The following RPAP2 variants were observed in gnomAD, a reference collection of about 807,000 sequenced individuals.
RPAP2 encodes RNA polymerase II associated protein 2, also known as putative RNA polymerase II subunit B1 CTD phosphatase RPAP2.
RPAP2 carries 52 observed loss-of-function variants against 73.1 expected under a neutral mutation model. The observed-to-expected ratio is 0.71, with a 90% CI of 0.57 to 0.90. The LOEUF (loss-of-function observed/expected upper bound fraction) is 0.90, where lower values mean the gene tolerates loss of function less well. RPAP2 is among the 40% of genes least tolerant of loss of function. The pLI is 0.00. For missense variants in RPAP2, 598 were observed against 701.8 expected (o/e 0.85, Z 1.67); for synonymous variants, 225 against 242.1 (o/e 0.93, Z 0.65).
intron 6 of RPAP2, among the ~76,000 whole-genome samples, chr1:92,316,061 AG>A (rs1651887707): frequency 6.6e-6 from 1 of 152,222 alleles, no homozygotes; most frequent in Non-Finnish European, 1.5e-5. Context: ...GGCTCTGACA[AG>A]CCTTTGAAGG....
chr1:92,322,999 G>A (rs1003607402), intron 7 of RPAP2, among the ~76,000 whole-genome samples: 3 of 144,858 alleles, frequency 2.1e-5, no homozygotes, highest in African/African-American at 7.6e-5. Context: ...GTAAATATGT[G>A]TACATATAAA....
rs1461826957 is a variant in RPAP2, at chr1:92,388,969, GAAC to G, written c.*1961_*1963del. The G allele has an allele frequency of 1.3e-5, 2 of 152,268 alleles. No homozygotes were observed. The highest frequency in any genetic ancestry group is 4.8e-5 in the African/African-American group (2 of 41,446). The allele number at this position is 152,268 out of a possible 1,614,324, so 9.4% of individuals were successfully genotyped here. ...CCACCTCCAGGGGCAGGGCATATCT[GAAC>G]AAAAGGCAGCAGACAGCTTCTCCAG... is the stretch of plus-strand genomic sequence containing the variant. On this transcript the variant is annotated 3_prime_UTR_variant, in exon 13 of 13. Transcript: ENST00000610020.
chr1:92,337,977 A>G (rs535446055), intron 10 of RPAP2, among the ~76,000 whole-genome samples: 1 of 152,302 alleles, frequency 6.6e-6, no homozygotes, highest in East Asian at 1.9e-4. Context: ...TTCTTGAGAA[A>G]GTAATCTAGT....
chr1:92,365,838 G>A (rs1421263354), intron 11 of RPAP2, among the ~76,000 whole-genome samples: 3 of 152,156 alleles, frequency 2.0e-5, no homozygotes, highest in African/African-American at 4.8e-5. Context: ...GTGGTCTAGC[G>A]GTTAGAAGTG....
Position 92,323,681 on chromosome 1 carries a change from A to G in RPAP2, c.761A>G (p.His254Arg), listed in dbSNP as rs760451838. 5.5e-5 allele frequency: 88 copies of G among 1,613,710 alleles called. No individual in the cohort carries two copies. Among genetic ancestry groups the G allele is most frequent in the Non-Finnish European group, 7.3e-5 (86 of 1,179,906 alleles). The change falls in exon 8 of 13, where the codon CAC (histidine) becomes CGC (arginine). Residue 254 changes from histidine to arginine, a missense_variant. Physicochemically the swap from His to Arg is conservative, Grantham distance 29. Coordinates refer to ENST00000610020, the MANE Select transcript of RPAP2 (RefSeq NM_024813.3). Reference protein sequence around the residue: ...QKSIMKKKAGHKANSKHKDKE... With the variant: ...QKSIMKKKAGRKANSKHKDKE... The stretch of plus-strand genomic sequence containing the variant: ...AGCATAATGAAAAAGAAAGCTGGTC[A>G]CAAAGCTAACTCCAAACACAAAGAC...
At chr1:92,323,169 G>A (rs1205396869) in intron 7 of RPAP2, among the ~76,000 whole-genome samples, 1 of 149,850 alleles carries the variant, frequency 6.7e-6, no homozygotes, top group Non-Finnish European at 1.5e-5. Flanking sequence ...CTGTACTCCT[G>A]TAACAATTTT....
chr1:92,355,451 G>A (rs546652601), intron 11 of RPAP2, among the ~76,000 whole-genome samples: 1 of 152,296 alleles, frequency 6.6e-6, no homozygotes, highest in South Asian at 2.1e-4. Context: ...TTCTGAAAGA[G>A]ATAAAGATGA....
chr1:92,311,192 C>G (rs532572692), intron 6 of RPAP2, among the ~76,000 whole-genome samples: 1 of 152,110 alleles, frequency 6.6e-6, no homozygotes, highest in Non-Finnish European at 1.5e-5. Context: ...CTGTAGGAAA[C>G]CTGCTTCTCA....
At position 92,354,994 on chromosome 1, in the gene RPAP2, G is replaced by T. The variant is rs182291887; in HGVS notation, c.1688+9080G>T. 7.3e-4 allele frequency among the ~76,000 whole-genome samples: 110 copies of T among 151,460 alleles called. 1 individual carries two copies. The East Asian group carries it at 0.018, about 25-fold the overall frequency. The stretch of plus-strand genomic sequence containing the variant: ...GCTCATTGCAATCTCTGCCTCCCAG[G>T]CTCAAGCAATCGTCCCACCTCAACC... On this transcript the variant is annotated intron_variant, in intron 11 of 12. Transcript: ENST00000610020.
At chr1:92,362,846 A>G (rs2101390459) in intron 11 of RPAP2, among the ~76,000 whole-genome samples, 1 of 152,332 alleles carries the variant, frequency 6.6e-6, no homozygotes, top group African/African-American at 2.4e-5. Flanking sequence ...GAATAAAAAA[A>G]TTGCCAGGTT....
intron 9 of RPAP2, among the ~76,000 whole-genome samples, chr1:92,336,034 G>A (rs1017193208): frequency 3.3e-5 from 5 of 152,120 alleles, no homozygotes; most frequent in Admixed American, 6.5e-5. Context: ...GGGCAGTTGT[G>A]TTCTTTCCAT....
intron 5 of RPAP2, among the ~76,000 whole-genome samples, chr1:92,305,305 C>T (rs1026325662): frequency 1.3e-5 from 2 of 151,216 alleles, no homozygotes; most frequent in East Asian, 1.9e-4. Context: ...TGATGGCGGG[C>T]GCCTGTAGTC....
rs1656150661 is a variant in RPAP2, at chr1:92,395,020, A to G, written c.*8009A>G. The G allele has an allele frequency of 6.6e-6, 1 of 152,264 alleles. No homozygotes were observed. The highest frequency in any genetic ancestry group is 2.1e-4 in the South Asian group (1 of 4,836). 9.4% of individuals were successfully genotyped at this position (152,264 alleles called of 1,614,324 possible). Reference sequence around the variant, plus strand: ...TAAACCTTCACATTTATGATCAATTAAGTTTTGACAAAAATCCCAATGAAA... The same window carrying G: ...TAAACCTTCACATTTATGATCAATTGAGTTTTGACAAAAATCCCAATGAAA... On this transcript the variant is annotated 3_prime_UTR_variant, in exon 13 of 13. Transcript: ENST00000610020.
intron 2 of RPAP2, among the ~76,000 whole-genome samples, 176 bp from the exon 3 acceptor site, chr1:92,301,300 A>G (rs1313009216): frequency 6.6e-6 from 1 of 152,244 alleles, no homozygotes; most frequent in African/African-American, 2.4e-5. Flanking sequence ...TTTGAGCAAC[A>G]TAGTGAGACC....
intron 12 of RPAP2, among the ~76,000 whole-genome samples, chr1:92,381,588 CT>C (rs4000737): frequency 0.017 from 2,426 of 139,342 alleles, 40 homozygotes; most frequent in Non-Finnish European, 0.023. Context: ...GGGAGATTTT[CT>C]TTTTTTTTTT....
In RPAP2 at chr1:92,394,696, A is replaced by C. The variant is rs1656141014; in HGVS notation, c.*7685A>C. ...ATTCAGAGAGATTAAAGAAGGTATC[A>C]AGAAATGTAGACACAATCCATGTTC... On this transcript the variant is annotated 3_prime_UTR_variant, in exon 13 of 13. Coordinates refer to ENST00000610020, the MANE Select transcript of RPAP2 (RefSeq NM_024813.3). The C allele has an allele frequency of 6.6e-6, 1 of 152,202 alleles. No individual in the cohort carries two copies. Among genetic ancestry groups the C allele is most frequent in the Non-Finnish European group, 1.5e-5 (1 of 68,058 alleles). The allele number at this position is 152,202 out of a possible 1,614,324, so 9.4% of individuals were successfully genotyped here.
At chr1:92,307,118 T>C in intron 5 of RPAP2, 70 bp from the exon 6 acceptor site, 2 of 1,020,192 alleles carry the variant, frequency 2.0e-6, no homozygotes, top group Non-Finnish European at 2.9e-6. Flanking sequence ...ATTTATGTTT[T>C]ATACTCTCAA....
In RPAP2 at chr1:92,361,356, C is replaced by T. The variant is rs543005963; in HGVS notation, c.1688+15442C>T. Among the ~76,000 whole-genome samples, 8 of 152,208 alleles carry T rather than the reference C, an allele frequency of 5.3e-5. No homozygotes were observed. The South Asian group carries it at 1.7e-3, about 32-fold the overall frequency. On this transcript the variant is annotated intron_variant, in intron 11 of 12. Coordinates refer to ENST00000610020, the MANE Select transcript of RPAP2 (RefSeq NM_024813.3). ...TTGTCTTCCTAGTGCCAAGCACTTA[C>T]TCTAGCACTTAGTAAGCATTCAGTG...
intron 11 of RPAP2, among the ~76,000 whole-genome samples, chr1:92,373,252 G>A (rs1250606067): frequency 6.6e-6 from 1 of 152,146 alleles, no homozygotes; most frequent in Non-Finnish European, 1.5e-5. Flanking sequence ...ATCCTACCAT[G>A]CAGAGAACTG....
Sources: gnomAD v4.1 joint callset for allele counts (sites outside exome capture counted in the v4.1 genomes callset) on GRCh38, gnomAD v4.1.1 for gene constraint, MANE v1.5 for transcripts, NCBI Gene and HGNC (gene_info 2026-07-23, HGNC 2026-07-21) for gene names.